GLDN: variants seen among roughly 807,000 people sequenced by gnomAD.
GLDN encodes the protein collomin.
GLDN carries 47 observed loss-of-function variants against 56.5 expected under a neutral mutation model. The ratio of observed to expected loss-of-function variants is 0.83; its 90% CI spans 0.66 to 1.06. GLDN has a LOEUF of 1.06. Ranked by LOEUF, GLDN falls within the 50% of genes least tolerant of loss-of-function variation. The probability of loss-of-function intolerance (pLI) is 0.00; values close to 1 mark genes in which losing one functional copy is unlikely to be tolerated. For missense variants in GLDN, 782 were observed against 714.3 expected (o/e 1.09, Z -1.08); for synonymous variants, 332 against 278.8 (o/e 1.19, Z -1.90).
At chr15:51,391,200 C>T (rs754844295) in intron 4 of GLDN, among the ~76,000 whole-genome samples, 1 of 152,062 alleles carries the variant, frequency 6.6e-6, no homozygotes, top group Non-Finnish European at 1.5e-5. Context: ...CAAGCAAAGG[C>T]CTTGAATAGT....
Position 51,356,083 on chromosome 15 carries a change from C to T in GLDN, c.363+14036C>T, listed in dbSNP as rs533714242. ...TTAGCCGGGCGTGGTGGTGCGTGCC[C>T]GTGGTCCCAGCCACTCCAGAGGCTG... On this transcript the variant is annotated intron_variant, in intron 1 of 9. Transcript: ENST00000335449. 3.0e-4 allele frequency among the ~76,000 whole-genome samples: 46 copies of T among 151,562 alleles called. No individual in the cohort carries two copies. In the East Asian group the frequency reaches 7.7e-3, roughly 26 times the overall value.
chr15:51,374,736 CTTTTT>C (rs71297688), intron 1 of GLDN, among the ~76,000 whole-genome samples: 3 of 110,260 alleles, frequency 2.7e-5, no homozygotes, highest in Non-Finnish European at 5.7e-5. Context: ...CTTTCTTTTC[CTTTTT>C]TTTTTTTTTT....
At chr15:51,397,687 T>C in intron 6 of GLDN, 89 bp downstream of exon 6, 1 of 1,346,332 alleles carries the variant, frequency 7.4e-7, no homozygotes, top group African/African-American at 1.5e-5. Context: ...CCAGATTTGT[T>C]TTAATAGAGG....
At chr15:51,393,154 T>C (rs539286941) in intron 4 of GLDN, among the ~76,000 whole-genome samples, 27 of 152,354 alleles carry the variant, frequency 1.8e-4, no homozygotes, top group African/African-American at 6.5e-4. Context: ...ATCAAATGCC[T>C]TTTCTATATC....
At chr15:51,356,970 C>A (rs1174030845) in intron 1 of GLDN, among the ~76,000 whole-genome samples, 1 of 152,154 alleles carries the variant, frequency 6.6e-6, no homozygotes, top group African/African-American at 2.4e-5. Context: ...AGTTTGGAAT[C>A]TTGGGTGACT....
chr15:51,379,723 T>C (rs16964318), intron 2 of GLDN, among the ~76,000 whole-genome samples: 14,804 of 152,218 alleles, frequency 0.097, 1,433 homozygotes, highest in African/African-American at 0.24. Flanking sequence ...TTATCAAGCA[T>C]CCACCCAATT....
Position 51,404,630 on chromosome 15 carries a change from G to C in GLDN, c.1532G>C (p.Arg511Thr). ...GKQINANFDL[R>T]TSQSVLAMLA... The stretch of plus-strand genomic sequence containing the variant: ...CAGATCAATGCAAACTTTGATTTAA[G>C]AACTTCCCAGTCTGTTCTTGCCATG... The change falls in exon 10 of 10, where the codon AGA (arginine) becomes ACA (threonine). Residue 511 changes from arginine to threonine, a missense_variant. Coordinates refer to ENST00000335449, the MANE Select transcript of GLDN (RefSeq NM_181789.4). The C allele has an allele frequency of 6.2e-7, 1 of 1,613,896 alleles. No homozygotes were observed. Among genetic ancestry groups the C allele is most frequent in the Non-Finnish European group, 8.5e-7 (1 of 1,179,752 alleles).
Position 51,394,828 on chromosome 15 carries a change from T to C in GLDN, c.542-7T>C. 1 of 1,613,932 alleles carries C rather than the reference T, an allele frequency of 6.2e-7. No homozygotes were observed. Among genetic ancestry groups the C allele is most frequent in the Non-Finnish European group, 8.5e-7 (1 of 1,179,926 alleles). On this transcript the variant is annotated splice_polypyrimidine_tract_variant and splice_region_variant and intron_variant, in intron 4 of 9. Transcript: ENST00000335449. ...TAGGCTAATATGTCTTTTGTTTTTT[T>C]GGTCAGGGATACCTGGAGCTGCAGG... is the stretch of plus-strand genomic sequence containing the variant.
At chr15:51,347,408 T>A (rs2036997256) in intron 1 of GLDN, among the ~76,000 whole-genome samples, 1 of 152,240 alleles carries the variant, frequency 6.6e-6, no homozygotes. Context: ...TTATAAGATT[T>A]TTTTGCGATT....
At chr15:51,359,173 G>A (rs2037243560) in intron 1 of GLDN, among the ~76,000 whole-genome samples, 1 of 152,200 alleles carries the variant, frequency 6.6e-6, no homozygotes, top group African/African-American at 2.4e-5. Context: ...GGGAGGAGGA[G>A]GAGACTTTGG....
At chr15:51,379,489 C>G (rs368989741) in intron 2 of GLDN, among the ~76,000 whole-genome samples, 2 of 152,338 alleles carry the variant, frequency 1.3e-5, no homozygotes, top group Non-Finnish European at 2.9e-5. Context: ...TATTCTATGC[C>G]TAGGCAAATA....
downstream of GLDN, among the ~76,000 whole-genome samples, chr15:51,412,010 G>T (rs2141148798): frequency 6.6e-6 from 1 of 152,362 alleles, no homozygotes; most frequent in South Asian, 2.1e-4. Context: ...AGCTAGGAAA[G>T]AAATACTATG....
At chr15:51,345,489 G>C (rs1385876143) in intron 1 of GLDN, among the ~76,000 whole-genome samples, 1 of 152,152 alleles carries the variant, frequency 6.6e-6, no homozygotes, top group African/African-American at 2.4e-5. Flanking sequence ...TTTTAAGGAA[G>C]GCAAATATGA....
At chr15:51,351,237 C>A in intron 1 of GLDN, 1 of 211,430 alleles carries the variant, frequency 4.7e-6, no homozygotes, top group Non-Finnish European at 9.9e-6. Flanking sequence ...ACTGGAACTC[C>A]TGGGCTCAAG....
At chr15:51,377,604 G>A in intron 2 of GLDN, 104 bp downstream of exon 2, 1 of 760,782 alleles carries the variant, frequency 1.3e-6, no homozygotes, top group East Asian at 2.6e-5. Context: ...AAAAATACAT[G>A]TTGGTTTACT....
intron 4 of GLDN, among the ~76,000 whole-genome samples, chr15:51,387,239 T>C (rs1406307439): frequency 6.6e-6 from 1 of 152,128 alleles, no homozygotes; most frequent in East Asian, 1.9e-4. Context: ...AACAAATACT[T>C]ATTCAGCAGA....
Position 51,406,825 on chromosome 15 carries a change from C to T in GLDN, c.*2071C>T, listed in dbSNP as rs1185124090. 1 of 152,178 alleles carries T rather than the reference C, an allele frequency of 6.6e-6. No individual in the cohort carries two copies. Among genetic ancestry groups the T allele is most frequent in the Non-Finnish European group, 1.5e-5 (1 of 68,032 alleles). 9.4% of individuals were successfully genotyped at this position (152,178 alleles called of 1,614,324 possible). ...CATGTCACCTTAGCTTTTAAAAATA[C>T]TCTTTTCAGATTCACGTTCTCTAAC... is the stretch of plus-strand genomic sequence containing the variant. On this transcript the variant is annotated 3_prime_UTR_variant, in exon 10 of 10. Transcript: ENST00000335449.
At chr15:51,393,446 G>A (rs1195029859) in intron 4 of GLDN, among the ~76,000 whole-genome samples, 1 of 152,192 alleles carries the variant, frequency 6.6e-6, no homozygotes, top group Non-Finnish European at 1.5e-5. Flanking sequence ...GTGGCCGTGG[G>A]AATGAGGACT....
intron 4 of GLDN, among the ~76,000 whole-genome samples, chr15:51,389,716 A>G (rs1435301453): frequency 6.6e-6 from 1 of 152,094 alleles, no homozygotes; most frequent in Non-Finnish European, 1.5e-5. Context: ...GTTTTTTATG[A>G]GAATTTGATT....
Sources: gnomAD v4.1 joint callset for allele counts (sites outside exome capture counted in the v4.1 genomes callset) on GRCh38, gnomAD v4.1.1 for gene constraint, MANE v1.5 for transcripts, NCBI Gene and HGNC (gene_info 2026-07-23, HGNC 2026-07-21) for gene names.